Variants in DIXDC1 observed in about 807,000 individuals in gnomAD.
DIXDC1 encodes dixin.
A neutral mutation model predicts 103.1 loss-of-function variants in DIXDC1; 64 were observed. The ratio of observed to expected loss-of-function variants is 0.62; its 90% CI spans 0.51 to 0.76. DIXDC1 has a LOEUF of 0.76. Ranked by LOEUF, DIXDC1 falls within the 30% of genes least tolerant of loss-of-function variation. The pLI, the probability that DIXDC1 is intolerant of heterozygous loss-of-function variation, is 0.00. For synonymous variants in DIXDC1, 266 were observed against 298.5 expected (o/e 0.89, Z 1.12); for missense variants, 759 against 834.2 (o/e 0.91, Z 1.11).
intron 5 of DIXDC1, chr11:111,975,519 G>C: frequency 3.0e-6 from 3 of 990,920 alleles, no homozygotes; most frequent in Non-Finnish European, 2.4e-6. Context: ...AAAGTTGTGT[G>C]TATCCTTTAG....
intron 1 of DIXDC1, among the ~76,000 whole-genome samples, chr11:111,956,451 C>T (rs148573313): frequency 3.6e-4 from 54 of 152,084 alleles, no homozygotes; most frequent in African/African-American, 1.3e-3. Flanking sequence ...TCCTAATGGC[C>T]AAATCTAGAA....
chr11:112,017,974 A>G lies in DIXDC1; in HGVS notation c.1971+89A>G. 9.7e-7 allele frequency: 1 copy of G among 1,027,526 alleles called. No homozygotes were observed. The highest frequency in any genetic ancestry group is 1.4e-6 in the Non-Finnish European group (1 of 694,912). 63.7% of individuals were successfully genotyped at this position (1,027,526 alleles called of 1,614,324 possible). ...TTCAAGCACTAGTGTCCAGAAGTAC[A>G]TGAGTTCCCTGACTAGGTCAGAAGA... On this transcript the variant is annotated intron_variant, in intron 19 of 19. Transcript: ENST00000440460. The surrounding 1 kb of genome is among the most constrained non-coding windows in gnomAD (Gnocchi z 4.0).
At chr11:111,990,455 C>CTAGAAATAAATGGTAATATA (rs1860669581) in intron 10 of DIXDC1, among the ~76,000 whole-genome samples, 6 of 152,062 alleles carry the variant, frequency 3.9e-5, no homozygotes, top group African/African-American at 1.4e-4. Context: ...CACGGTTTTA[C>CTAGAAATAAATGGTAATATA]CCAAATGGTA....
intron 1 of DIXDC1, among the ~76,000 whole-genome samples, chr11:111,964,068 G>A (rs782464651): frequency 1.3e-5 from 2 of 152,210 alleles, no homozygotes; most frequent in Non-Finnish European, 2.9e-5. Flanking sequence ...GCAGCTCTGA[G>A]CATGGTTTAT....
At chr11:111,943,656 C>G (rs1397729012) in intron 1 of DIXDC1, among the ~76,000 whole-genome samples, 1 of 152,032 alleles carries the variant, frequency 6.6e-6, no homozygotes, top group Non-Finnish European at 1.5e-5. Flanking sequence ...CGTGCCACCA[C>G]GCCTGGCTAA....
chr11:111,950,538 C>A (rs1555169874), intron 1 of DIXDC1, among the ~76,000 whole-genome samples: 1 of 141,632 alleles, frequency 7.1e-6, no homozygotes, highest in Non-Finnish European at 1.5e-5. Flanking sequence ...TCACTGCAAC[C>A]TCTGCCTCTC....
At chr11:111,939,177 T>C (rs1005331422) in intron 1 of DIXDC1, among the ~76,000 whole-genome samples, 9 of 152,170 alleles carry the variant, frequency 5.9e-5, no homozygotes, top group Admixed American at 3.3e-4. Flanking sequence ...ACTGTCTGTT[T>C]AAGAGGAGGA....
chr11:111,937,015 ATGTGTG>A (rs782375854), upstream of DIXDC1, among the ~76,000 whole-genome samples: 1 of 127,558 alleles, frequency 7.8e-6, no homozygotes, highest in Admixed American at 7.6e-5. Context: ...GTATGTGTGT[ATGTGTG>A]TGTGTGTGTG....
rs1861624979 is a variant in DIXDC1, at chr11:112,017,358, G to C, written c.1863-419G>C. ...CTTATTTAGTCTGGGTTAGAAGCCA[G>C]CTTCCTAAAGATAGAGGGATAAAGA... is the stretch of plus-strand genomic sequence containing the variant. On this transcript the variant is annotated intron_variant, in intron 18 of 19. Coordinates refer to ENST00000440460, the MANE Select transcript of DIXDC1 (RefSeq NM_001037954.4). This position sits in a 1 kb window ranked among gnomAD's most constrained non-coding sequence, Gnocchi z 4.0. 6.6e-6 allele frequency among the ~76,000 whole-genome samples: 1 copy of C among 152,192 alleles called. No individual in the cohort carries two copies. Among genetic ancestry groups the C allele is most frequent in the African/African-American group, 2.4e-5 (1 of 41,462 alleles).
chr11:111,997,811 G>T (rs1555175551), intron 17 of DIXDC1, among the ~76,000 whole-genome samples: 5 of 152,132 alleles, frequency 3.3e-5, no homozygotes, highest in East Asian at 1.9e-4. Context: ...TGAAAACTAA[G>T]ATGTTAATCT....
chr11:111,976,890 G>C lies in DIXDC1; in HGVS notation c.656+1907G>C, dbSNP rs1457263926. On this transcript the variant is annotated intron_variant, in intron 5 of 19. Transcript: ENST00000440460. This position sits in a 1 kb window ranked among gnomAD's most constrained non-coding sequence, Gnocchi z 4.3. ...GGAAGGTGGGAGGGGATAGGTGCTCGGCGAATTTTCCTGGGGAGCGTCAGA... is the reference window on the plus strand; with the variant it reads ...GGAAGGTGGGAGGGGATAGGTGCTCCGCGAATTTTCCTGGGGAGCGTCAGA... 1 of 152,666 alleles carries C rather than the reference G, an allele frequency of 6.6e-6. No individual in the cohort carries two copies. Among genetic ancestry groups the C allele is most frequent in the Non-Finnish European group, 1.5e-5 (1 of 68,180 alleles). 9.5% of individuals were successfully genotyped at this position (152,666 alleles called of 1,614,324 possible).
chr11:111,943,561 G>A (rs367688010), intron 1 of DIXDC1, among the ~76,000 whole-genome samples: 44 of 144,150 alleles, frequency 3.1e-4, no homozygotes, highest in African/African-American at 8.9e-4. Flanking sequence ...GTGCAGTGGC[G>A]CAATCTTGGC....
In DIXDC1 at chr11:112,017,878, A is replaced by C; in HGVS notation, c.1964A>C (p.Lys655Thr). 5.0e-6 allele frequency: 8 copies of C among 1,606,530 alleles called. No homozygotes were observed. The highest frequency in any genetic ancestry group is 6.8e-6 in the Non-Finnish European group (8 of 1,175,848). Residue 655 changes from lysine (K) to threonine (T), a missense_variant, in exon 19 of 20, where the codon AAA becomes ACA. By Grantham distance (78) the Lys-to-Thr change is moderately conservative. This residue lies in a region of DIXDC1 where 657 missense variants were observed against 727.5 expected (regional missense o/e 0.90). Transcript: ENST00000440460. The surrounding 1 kb of genome is among the most constrained non-coding windows in gnomAD (Gnocchi z 4.0). ...KALDPEFGTV[K>T]EEIFHDDDAI... ...CTGGATCCTGAGTTTGGCACTGTCA[A>C]AGAGGAGGTAAAGAATCTGTGGGGA...
At chr11:112,008,644 T>G (rs1391588463) in intron 17 of DIXDC1, among the ~76,000 whole-genome samples, 1 of 152,180 alleles carries the variant, frequency 6.6e-6, no homozygotes, top group African/African-American at 2.4e-5. Flanking sequence ...AACTCAGGAT[T>G]AAGAAACTCA....
Position 111,978,025 on chromosome 11 carries a change from G to T in DIXDC1, c.657-2712G>T, listed in dbSNP as rs1860176466. Reference sequence around the variant, plus strand: ...CTGCCAGGGTCTTTGGTGGGGGAGGGCACTTCATGAGGATATAGAACTCTT... The same window carrying T: ...CTGCCAGGGTCTTTGGTGGGGGAGGTCACTTCATGAGGATATAGAACTCTT... On this transcript the variant is annotated intron_variant, in intron 5 of 19. Transcript: ENST00000440460. 2.0e-5 allele frequency among the ~76,000 whole-genome samples: 3 copies of T among 152,132 alleles called. No individual in the cohort carries two copies. The South Asian group carries it at 6.2e-4, about 32-fold the overall frequency.
intron 3 of DIXDC1, among the ~76,000 whole-genome samples, chr11:111,970,033 A>G (rs1555171914): frequency 6.6e-6 from 1 of 152,142 alleles, no homozygotes; most frequent in East Asian, 1.9e-4. Flanking sequence ...CAGGATATAA[A>G]ATCAGTGTGC....
rs782663053 is a variant in DIXDC1, at chr11:111,974,978, C to T, written c.651C>T (p.Cys217=). 53 of 1,610,376 alleles carry T rather than the reference C, an allele frequency of 3.3e-5. No homozygotes were observed. Among genetic ancestry groups the T allele is most frequent in the Non-Finnish European group, 4.4e-5 (52 of 1,178,688 alleles). ...AAAGGTCCCCGTCTGAATCCAGCTG[C>T]TCCAGGTAACTGTGGCCTCTGAAAC... ...GQQRSPSESS[C]SSLTSPSPIH... Residue 217 remains cysteine, a synonymous_variant, in exon 5 of 20, where the codon TGC becomes TGT. Coordinates refer to ENST00000440460, the MANE Select transcript of DIXDC1 (RefSeq NM_001037954.4).
At chr11:111,945,391 G>C (rs1325630052) in intron 1 of DIXDC1, among the ~76,000 whole-genome samples, 2 of 152,178 alleles carry the variant, frequency 1.3e-5, no homozygotes, top group Non-Finnish European at 2.9e-5. Flanking sequence ...GACCAATCAA[G>C]TGTGACCAGT....
intron 1 of DIXDC1, among the ~76,000 whole-genome samples, chr11:111,964,023 T>C (rs587728647): frequency 6.6e-6 from 1 of 152,352 alleles, no homozygotes; most frequent in African/African-American, 2.4e-5. Flanking sequence ...TGATTTCACT[T>C]AAGTCTCATT....
Sources: gnomAD v4.1 joint callset for allele counts (sites outside exome capture counted in the v4.1 genomes callset) on GRCh38, gnomAD v4.1.1 for gene constraint, gnomAD v4.1.1 regional missense constraint, Gnocchi (gnomAD v3.1) non-coding constraint, MANE v1.5 for transcripts, NCBI Gene and HGNC (gene_info 2026-07-23, HGNC 2026-07-21) for gene names.